The following RBFOX1 variants were observed in gnomAD, a reference collection of about 807,000 sequenced individuals.
RBFOX1 encodes the protein RNA binding fox-1 homolog 1, also known as RNA binding protein fox-1 homolog 1.
Under a neutral mutation model 57.7 loss-of-function variants are expected in RBFOX1, and 8 were observed. The ratio of observed to expected loss-of-function variants is 0.14; its 90% CI spans 0.08 to 0.25. The LOEUF (loss-of-function observed/expected upper bound fraction) is 0.25, where lower values mean the gene tolerates loss of function less well. Among genes scored for constraint, RBFOX1 ranks in the 10% least tolerant of loss-of-function variants. RBFOX1 has a pLI of 1.00. For synonymous variants in RBFOX1, 326 were observed against 222.4 expected, an observed-to-expected ratio of 1.47 and a Z score of -4.15; for missense variants, 611 against 548.5, an observed-to-expected ratio of 1.11 and a Z score of -1.14.
intron 1 of RBFOX1, among the ~76,000 whole-genome samples, chr16:5,308,742 C>G (rs982018342): frequency 9.8e-6 from 1 of 101,828 alleles, no homozygotes; most frequent in African/African-American, 2.7e-5. Context: ...TTTGCCTTTG[C>G]TATGTGTTAC....
At chr16:6,153,912 C>G (rs1379854697) in intron 1 of RBFOX1, among the ~76,000 whole-genome samples, 1 of 152,146 alleles carries the variant, frequency 6.6e-6, no homozygotes, top group Non-Finnish European at 1.5e-5. Flanking sequence ...GTTTTGTTTT[C>G]CATTCCTGAG....
intron 3 of RBFOX1, among the ~76,000 whole-genome samples, chr16:5,615,016 A>G (rs1471731293): frequency 6.6e-6 from 1 of 152,172 alleles, no homozygotes; most frequent in Non-Finnish European, 1.5e-5. Flanking sequence ...TGGGCAACAG[A>G]AAGTGTGTAG....
rs574171721 is a variant in RBFOX1 at position 5,631,647 on chromosome 16, A to G, written c.318+32686A>G. Among the ~76,000 whole-genome samples, 3 of 152,010 alleles carry G rather than the reference A, an allele frequency of 2.0e-5. No homozygotes were observed. In the East Asian group the frequency reaches 5.8e-4, roughly 29 times the overall value. On this transcript the variant is annotated intron_variant, in intron 3 of 19. Coordinates refer to the RBFOX1 transcript ENST00000641259. Reference sequence around the variant, plus strand: ...ATTGCAGACTCCTTTGCCCTTCTGCATTCATGTTTCCCACCTCCTAGAACG... The same window carrying G: ...ATTGCAGACTCCTTTGCCCTTCTGCGTTCATGTTTCCCACCTCCTAGAACG...
At chr16:7,534,178 C>T (rs575314275) in intron 5 of RBFOX1, among the ~76,000 whole-genome samples, 1 of 151,028 alleles carries the variant, frequency 6.6e-6, no homozygotes, top group Admixed American at 6.6e-5. Context: ...CCTCCACCTC[C>T]CAGGTTCAGG....
intron 2 of RBFOX1, among the ~76,000 whole-genome samples, chr16:6,568,044 A>G (rs2097292072): frequency 6.6e-6 from 1 of 152,044 alleles, no homozygotes. Flanking sequence ...CTGGCCTTGA[A>G]CTTCTGGCCT....
chr16:7,156,895 A>G (rs1292616410), intron 4 of RBFOX1, among the ~76,000 whole-genome samples: 1 of 152,154 alleles, frequency 6.6e-6, no homozygotes, highest in Non-Finnish European at 1.5e-5. Context: ...GCCCTCCAAG[A>G]AAGTTTTATC....
At chr16:6,049,356 A>C (rs1489957702) in intron 1 of RBFOX1, among the ~76,000 whole-genome samples, 3 of 152,152 alleles carry the variant, frequency 2.0e-5, no homozygotes, top group Non-Finnish European at 4.4e-5. Flanking sequence ...AATAAAACTT[A>C]AAGCATATTT....
At chr16:7,341,354 C>G (rs993667519) in intron 4 of RBFOX1, among the ~76,000 whole-genome samples, 1 of 152,138 alleles carries the variant, frequency 6.6e-6, no homozygotes, top group Non-Finnish European at 1.5e-5. Flanking sequence ...CTCCATGAAA[C>G]TCATTCATTT....
At chr16:5,781,545 T>A (rs977395200) in intron 3 of RBFOX1, among the ~76,000 whole-genome samples, 1 of 152,202 alleles carries the variant, frequency 6.6e-6, no homozygotes, top group Non-Finnish European at 1.5e-5. Context: ...TCTGTAAAGA[T>A]CCAAGCAGTA....
At chr16:7,237,129 C>G (rs565513751) in intron 4 of RBFOX1, among the ~76,000 whole-genome samples, 2 of 152,194 alleles carry the variant, frequency 1.3e-5, no homozygotes, top group African/African-American at 4.8e-5. Flanking sequence ...GGCTGCAATA[C>G]AGCCGCCAAC....
chr16:7,107,899 T>C (rs1256595429), intron 4 of RBFOX1, among the ~76,000 whole-genome samples: 1 of 151,978 alleles, frequency 6.6e-6, no homozygotes, highest in Non-Finnish European at 1.5e-5. Flanking sequence ...TGCTAAACGG[T>C]GGAGGGATTT....
At chr16:7,241,076 G>C (rs572264273) in intron 4 of RBFOX1, among the ~76,000 whole-genome samples, 128 of 152,196 alleles carry the variant, frequency 8.4e-4, no homozygotes, top group Non-Finnish European at 1.4e-3. Context: ...TTTATTTAGC[G>C]CAGTTTTTAG....
chr16:5,684,558 C>G (rs1364617631), intron 3 of RBFOX1, among the ~76,000 whole-genome samples: 1 of 152,162 alleles, frequency 6.6e-6, no homozygotes, highest in Admixed American at 6.5e-5. Flanking sequence ...TCTTGGTTCC[C>G]TCAAGCTTTC....
chr16:6,795,014 C>G (rs2083689024), intron 3 of RBFOX1, among the ~76,000 whole-genome samples: 1 of 152,118 alleles, frequency 6.6e-6, no homozygotes, highest in African/African-American at 2.4e-5. Context: ...TGACAGTCAG[C>G]TTAATTCTCT....
At chr16:7,473,193 C>A (rs1163285256) in intron 4 of RBFOX1, among the ~76,000 whole-genome samples, 1 of 151,990 alleles carries the variant, frequency 6.6e-6, no homozygotes, top group East Asian at 1.9e-4. Context: ...AGCCTGGGAG[C>A]ATGGCAAAAC....
intron 1 of RBFOX1, among the ~76,000 whole-genome samples, chr16:5,320,825 A>C (rs1344968547): frequency 6.6e-6 from 1 of 152,122 alleles, no homozygotes; most frequent in Non-Finnish European, 1.5e-5. Context: ...AGTTTCCAGG[A>C]AGCCCTAGGC....
chr16:5,758,824 C>A (rs562892740), intron 3 of RBFOX1, among the ~76,000 whole-genome samples: 7 of 152,198 alleles, frequency 4.6e-5, no homozygotes. Flanking sequence ...AATGTATGCT[C>A]CCCTAGACAG....
At chr16:5,530,803 C>G (rs1213308034) in intron 2 of RBFOX1, among the ~76,000 whole-genome samples, 2 of 151,944 alleles carry the variant, frequency 1.3e-5, no homozygotes, top group Non-Finnish European at 2.9e-5. Context: ...AAATCACAGT[C>G]CAGCCCAGGC....
intron 3 of RBFOX1, among the ~76,000 whole-genome samples, chr16:5,637,972 C>G (rs903787600): frequency 6.6e-6 from 1 of 152,240 alleles, no homozygotes; most frequent in South Asian, 2.1e-4. Flanking sequence ...AGTATTTCTA[C>G]TCTGATGATG....
Sources: gnomAD v4.1 joint callset for allele counts (sites outside exome capture counted in the v4.1 genomes callset) on GRCh38, gnomAD v4.1.1 for gene constraint, MANE v1.5 for transcripts, NCBI Gene and HGNC (gene_info 2026-07-23, HGNC 2026-07-21) for gene names.